Variants in HIP1 observed in about 807,000 individuals in gnomAD.
HIP1 encodes huntingtin-interacting protein 1.
Under a neutral mutation model 147.6 loss-of-function variants are expected in HIP1, and 65 were observed. That is an observed-to-expected ratio of 0.44 (90% CI 0.36 to 0.54). HIP1 has a LOEUF of 0.54. Among genes scored for constraint, HIP1 ranks in the 20% least tolerant of loss-of-function variants. The probability of loss-of-function intolerance (pLI) is 0.00; values close to 1 mark genes in which losing one functional copy is unlikely to be tolerated. For missense variants in HIP1, 1,061 were observed against 1,299.6 expected (o/e 0.82, Z 2.82); for synonymous variants, 479 against 504.0 (o/e 0.95, Z 0.67).
chr7:75,548,815 A>T, intron 23 of HIP1, 76 bp downstream of exon 23: 1 of 1,114,322 alleles, frequency 9.0e-7, no homozygotes, highest in Non-Finnish European at 1.4e-6. Flanking sequence ...AACGACTGTG[A>T]CATGTTTAAT....
At chr7:75,715,570 G>A (rs932113991) in intron 1 of HIP1, among the ~76,000 whole-genome samples, 20 of 151,312 alleles carry the variant, frequency 1.3e-4, no homozygotes, top group Admixed American at 9.2e-4. Context: ...TCAGGAGTTC[G>A]AGACCAGCCT....
chr7:75,653,616 C>T (rs974040537), intron 1 of HIP1, among the ~76,000 whole-genome samples: 5 of 151,664 alleles, frequency 3.3e-5, no homozygotes, highest in South Asian at 2.1e-4. Context: ...CCCAGCACTT[C>T]GGGAGGCTGA....
intron 1 of HIP1, among the ~76,000 whole-genome samples, chr7:75,661,280 A>G (rs1799303802): frequency 6.6e-6 from 1 of 151,468 alleles, no homozygotes; most frequent in Non-Finnish European, 1.5e-5. Flanking sequence ...CCTGTTAAAA[A>G]AAAAAAAAAA....
chr7:75,572,868 C>T (rs1316868070), intron 8 of HIP1, among the ~76,000 whole-genome samples: 1 of 152,222 alleles, frequency 6.6e-6, no homozygotes, highest in Non-Finnish European at 1.5e-5. Context: ...CAGACTCAGG[C>T]ATCCCTGTAC....
intron 1 of HIP1, among the ~76,000 whole-genome samples, chr7:75,721,750 C>G (rs2117380867): frequency 6.6e-6 from 1 of 152,274 alleles, no homozygotes; most frequent in East Asian, 1.9e-4. Context: ...GGGTGAATAA[C>G]TTTGGGAAAC....
chr7:75,729,784 C>T (rs1287624213), intron 1 of HIP1, among the ~76,000 whole-genome samples: 2 of 134,998 alleles, frequency 1.5e-5, no homozygotes, highest in African/African-American at 5.9e-5. Flanking sequence ...GATACTCTGT[C>T]TCAAAACAAA....
At chr7:75,728,787 C>CAAA (rs782634244) in intron 1 of HIP1, among the ~76,000 whole-genome samples, 102 of 62,638 alleles carry the variant, frequency 1.6e-3, no homozygotes, top group African/African-American at 5.4e-3. Flanking sequence ...GACTCTGTCT[C>CAAA]AAAAAAAAAA....
At chr7:75,721,128 G>A (rs1403400894) in intron 1 of HIP1, among the ~76,000 whole-genome samples, 2 of 151,850 alleles carry the variant, frequency 1.3e-5, no homozygotes, top group African/African-American at 4.8e-5. Flanking sequence ...TGTAATCCCA[G>A]CACTTTGGGA....
chr7:75,651,402 T>C (rs1236758031), intron 1 of HIP1, among the ~76,000 whole-genome samples: 2 of 130,012 alleles, frequency 1.5e-5, no homozygotes, highest in Non-Finnish European at 3.1e-5. Context: ...GAGGTTGCAG[T>C]GAGCCAAGAT....
intron 1 of HIP1, among the ~76,000 whole-genome samples, chr7:75,622,346 C>A (rs1797871129): frequency 6.6e-6 from 1 of 151,838 alleles, no homozygotes; most frequent in Non-Finnish European, 1.5e-5. Flanking sequence ...ATAAGAGCAC[C>A]AAGGAGTGAG....
At chr7:75,541,093 G>A (rs782669898) in intron 29 of HIP1, among the ~76,000 whole-genome samples, 4 of 149,774 alleles carry the variant, frequency 2.7e-5, no homozygotes, top group East Asian at 4.0e-4. Flanking sequence ...GTAAGACCCC[G>A]TCTCTATCTT....
Position 75,666,229 on chromosome 7 carries a change from C to T in HIP1, c.121-66982G>A, listed in dbSNP as rs572157967. 1.1e-3 allele frequency among the ~76,000 whole-genome samples: 168 copies of T among 151,460 alleles called. 1 individual carries two copies. The highest frequency in any genetic ancestry group is 3.8e-3 in the African/African-American group (155 of 41,268). On this transcript the variant is annotated intron_variant, in intron 1 of 30. Coordinates refer to ENST00000336926, the MANE Select transcript of HIP1 (RefSeq NM_005338.7). ...TGTTGCCCAGGCCGGAGTGCAGTGG[C>T]GTGATCTCGGCTCATTGCAACCTCT...
At chr7:75,591,034 ATT>A (rs34986049) in intron 4 of HIP1, among the ~76,000 whole-genome samples, 12 of 142,338 alleles carry the variant, frequency 8.4e-5, no homozygotes, top group Admixed American at 7.1e-5. Flanking sequence ...AACCAGGGAG[ATT>A]TTTTTTTTTT....
intron 1 of HIP1, among the ~76,000 whole-genome samples, chr7:75,637,804 C>T (rs1159881673): frequency 6.6e-6 from 1 of 151,854 alleles, no homozygotes; most frequent in Non-Finnish European, 1.5e-5. Context: ...GTCATCAGCC[C>T]CCATCCCATT....
At chr7:75,694,197 C>T (rs1423399252) in intron 1 of HIP1, among the ~76,000 whole-genome samples, 9 of 152,072 alleles carry the variant, frequency 5.9e-5, no homozygotes, top group African/African-American at 1.7e-4. Flanking sequence ...AGATTACAGG[C>T]GTGAGCCACC....
intron 22 of HIP1, among the ~76,000 whole-genome samples, 154 bp from the exon 23 acceptor site, chr7:75,549,155 C>T (rs587700833): frequency 6.6e-5 from 10 of 152,032 alleles, no homozygotes; most frequent in Admixed American, 2.6e-4. Flanking sequence ...TTGCAGACCC[C>T]ATCTTGTCCT....
chr7:75,677,826 GAAAACAAACAAACAAACAAACAA>G (rs1554516277), intron 1 of HIP1, among the ~76,000 whole-genome samples: 1 of 151,756 alleles, frequency 6.6e-6, no homozygotes, highest in Non-Finnish European at 1.5e-5. Flanking sequence ...TCCTCTGCCT[GAAAACAAACAAACAAACAAACAA>G]AAAACCTCTT....
rs561513267 is a variant in HIP1, at chr7:75,714,590, T to C, written c.120+24211A>G. On this transcript the variant is annotated intron_variant, in intron 1 of 30. Transcript: ENST00000336926. ...GCCTCAGCCTCCCGAGTAGCTGGGA[T>C]TACAGGGGTGTGCCACCATGCCCGG... 4.0e-5 allele frequency among the ~76,000 whole-genome samples: 6 copies of C among 150,082 alleles called. No individual in the cohort carries two copies. In the South Asian group the frequency reaches 1.3e-3, roughly 32 times the overall value.
intron 1 of HIP1, among the ~76,000 whole-genome samples, chr7:75,696,035 G>A (rs1428954281): frequency 3.3e-5 from 5 of 152,130 alleles, no homozygotes; most frequent in Admixed American, 3.3e-4. Context: ...CACCCAGGCT[G>A]GAGTGCAGTG....
Sources: allele counts gnomAD v4.1 joint callset (sites outside exome capture counted in the v4.1 genomes callset), GRCh38; gene constraint gnomAD v4.1.1; transcripts MANE v1.5; gene names NCBI Gene and HGNC (gene_info 2026-07-23, HGNC 2026-07-21).